Variants in TMPRSS6 observed in about 807,000 individuals in gnomAD.
TMPRSS6 encodes the protein transmembrane protease serine 6.
A neutral mutation model predicts 101.5 loss-of-function variants in TMPRSS6; 67 were observed. The ratio of observed to expected loss-of-function variants is 0.66; its 90% CI spans 0.54 to 0.81. The LOEUF (loss-of-function observed/expected upper bound fraction) is 0.81, where lower values mean the gene tolerates loss of function less well. Ranked by LOEUF, TMPRSS6 falls within the 30% of genes least tolerant of loss-of-function variation. The probability of loss-of-function intolerance (pLI) is 0.00; values close to 1 mark genes in which losing one functional copy is unlikely to be tolerated. For synonymous variants in TMPRSS6, 453 were observed against 464.9 expected, an observed-to-expected ratio of 0.97 and a Z score of 0.33; for missense variants, 1,034 against 1,088.7, an observed-to-expected ratio of 0.95 and a Z score of 0.71.
At chr22:37,095,629 C>CAAA (rs548945502) in intron 5 of TMPRSS6, 37 bp from the exon 6 acceptor site, 57 of 1,176,886 alleles carry the variant, frequency 4.8e-5, no homozygotes, top group African/African-American at 7.5e-5. Flanking sequence ...TAAACAAGAA[C>CAAA]AAAAAAAAAA....
At chr22:37,107,593 G>A (rs1370394227) in intron 1 of TMPRSS6, among the ~76,000 whole-genome samples, 1 of 151,504 alleles carries the variant, frequency 6.6e-6, no homozygotes, top group African/African-American at 2.4e-5. Context: ...CTCACACAAT[G>A]GCCACTGCGT....
intron 2 of TMPRSS6, among the ~76,000 whole-genome samples, chr22:37,102,727 G>A (rs1930430513): frequency 6.6e-6 from 1 of 151,970 alleles, no homozygotes; most frequent in African/African-American, 2.4e-5. Context: ...GACCCAGAGG[G>A]GATAGAGCTG....
chr22:37,093,026 G>T (rs1929408952), intron 6 of TMPRSS6, among the ~76,000 whole-genome samples: 1 of 152,222 alleles, frequency 6.6e-6, no homozygotes, highest in Non-Finnish European at 1.5e-5. Context: ...GGGGCTTAAA[G>T]CTCCTCCGAG....
rs962914186 is a variant in TMPRSS6, at chr22:37,069,654, A to C, written c.1842-310T>G. ...ACTCGAATGTTCTTGAGAGAATCCA[A>C]TAAGACCGTGTATCTAAAAAATGTA... is the stretch of plus-strand genomic sequence containing the variant. On this transcript the variant is annotated intron_variant, in intron 15 of 17. Transcript: ENST00000676104. The surrounding 1 kb of genome is among the most constrained non-coding windows in gnomAD (Gnocchi z 4.8). 1.3e-5 allele frequency among the ~76,000 whole-genome samples: 2 copies of C among 152,190 alleles called. No homozygotes were observed. The highest frequency in any genetic ancestry group is 4.8e-5 in the African/African-American group (2 of 41,434).
chr22:37,083,500 CTT>C (rs1289784986), intron 10 of TMPRSS6, among the ~76,000 whole-genome samples: 1 of 152,240 alleles, frequency 6.6e-6, no homozygotes, highest in African/African-American at 2.4e-5. Context: ...TCCTAGTTCT[CTT>C]TTCTTCCCAG....
chr22:37,095,081 C>G (rs368933761), intron 6 of TMPRSS6, among the ~76,000 whole-genome samples: 2 of 152,146 alleles, frequency 1.3e-5, no homozygotes, highest in Non-Finnish European at 2.9e-5. Context: ...ATGAGCCTGA[C>G]TGGGAAGGAA....
chr22:37,086,313 C>G lies in TMPRSS6; in HGVS notation c.943G>C (p.Val315Leu). 1 of 1,614,126 alleles carries G rather than the reference C, an allele frequency of 6.2e-7. No individual in the cohort carries two copies. The highest frequency in any genetic ancestry group is 8.5e-7 in the Non-Finnish European group (1 of 1,180,018). ...AAGACCACCGGCTGCACGGAGAGCA[C>G]GAAGGGGTCGTAGTAGCTGTGCAGG... ...KGLHSYYDPF[V>L]LSVQPVVFQA... is the part of the protein sequence containing the mutation. The change falls in exon 8 of 18, where the codon GTG becomes CTG. Residue 315 changes from valine (V) to leucine (L), a missense_variant. Coordinates refer to ENST00000676104, the MANE Select transcript of TMPRSS6 (RefSeq NM_001374504.1).
chr22:37,085,824 C>T (rs1456027002), intron 8 of TMPRSS6, among the ~76,000 whole-genome samples: 2 of 151,974 alleles, frequency 1.3e-5, no homozygotes, highest in Non-Finnish European at 2.9e-5. Context: ...CTGTCTAGGG[C>T]GGAATCCAAG....
chr22:37,068,769 C>T, intron 16 of TMPRSS6: 1 of 748,532 alleles, frequency 1.3e-6, no homozygotes, highest in South Asian at 1.4e-5. Flanking sequence ...TCCACCCTTG[C>T]AGCCCAAGGA....
intron 10 of TMPRSS6, among the ~76,000 whole-genome samples, chr22:37,077,521 T>A (rs979813571): frequency 1.1e-4 from 17 of 152,248 alleles, no homozygotes; most frequent in Non-Finnish European, 1.9e-4. Flanking sequence ...TTGCCTTTTT[T>A]GCCCTCATTC....
At chr22:37,088,855 G>T (rs1158707455) in intron 7 of TMPRSS6, among the ~76,000 whole-genome samples, 1 of 152,224 alleles carries the variant, frequency 6.6e-6, no homozygotes, top group Admixed American at 6.5e-5. Flanking sequence ...GGCACAGATA[G>T]TCTGATTTAA....
At chr22:37,074,522 TG>T in intron 12 of TMPRSS6, 87 bp downstream of exon 12, 1 of 1,231,008 alleles carries the variant, frequency 8.1e-7, no homozygotes, top group Non-Finnish European at 1.2e-6. Flanking sequence ...CATGTAGAAG[TG>T]GGGTCTCCAC....
At chr22:37,096,585 G>A (rs1215098626) in intron 4 of TMPRSS6, 63 bp downstream of exon 4, 26 of 1,513,832 alleles carry the variant, frequency 1.7e-5, no homozygotes, top group Non-Finnish European at 2.2e-5. Context: ...GCCTACAGAG[G>A]CCCCTCCCAT....
At chr22:37,073,140 G>A (rs1927289376) in intron 13 of TMPRSS6, among the ~76,000 whole-genome samples, 1 of 144,140 alleles carries the variant, frequency 6.9e-6, no homozygotes, top group African/African-American at 2.6e-5. Flanking sequence ...GGGTGGATGG[G>A]TGGGTGGGTA....
intron 10 of TMPRSS6, among the ~76,000 whole-genome samples, chr22:37,077,093 G>C (rs1001004747): frequency 6.6e-6 from 1 of 152,200 alleles, no homozygotes; most frequent in Admixed American, 6.5e-5. Flanking sequence ...CAGGTGTGTG[G>C]CTGGGGCTGA....
chr22:37,078,176 T>C (rs1242975927), intron 10 of TMPRSS6, among the ~76,000 whole-genome samples: 1 of 144,718 alleles, frequency 6.9e-6, no homozygotes, highest in Non-Finnish European at 1.6e-5. Context: ...CCTTGGGGTG[T>C]CCCTTCCCAC....
chr22:37,066,785 C>T, intron 17 of TMPRSS6, 41 bp downstream of exon 17: 2 of 1,613,824 alleles, frequency 1.2e-6, no homozygotes, highest in Non-Finnish European at 8.5e-7. Context: ...GGGCAGCATC[C>T]TTTCTCCCTC....
At chr22:37,092,686 G>A (rs1484628470) in intron 6 of TMPRSS6, among the ~76,000 whole-genome samples, 1 of 152,210 alleles carries the variant, frequency 6.6e-6, no homozygotes, top group African/African-American at 2.4e-5. Flanking sequence ...AGTAGAGATG[G>A]GGTTTTGCCA....
intron 2 of TMPRSS6, among the ~76,000 whole-genome samples, chr22:37,102,181 G>A (rs1930373812): frequency 6.6e-6 from 1 of 152,242 alleles, no homozygotes. Context: ...TCCTTTGCAG[G>A]ATGTTTAATG....
Sources: gnomAD v4.1 joint callset for allele counts (sites outside exome capture counted in the v4.1 genomes callset) on GRCh38, gnomAD v4.1.1 for gene constraint, Gnocchi (gnomAD v3.1) non-coding constraint, MANE v1.5 for transcripts, NCBI Gene and HGNC (gene_info 2026-07-23, HGNC 2026-07-21) for gene names.